The following SHC3 variants were observed in gnomAD, a reference collection of about 807,000 sequenced individuals.
SHC3 encodes SHC adaptor protein 3, also known as SHC-transforming protein 3.
SHC3 carries 15 observed loss-of-function variants against 60.4 expected under a neutral mutation model. That is an observed-to-expected ratio of 0.25 (90% CI 0.17 to 0.38). The LOEUF (loss-of-function observed/expected upper bound fraction) is 0.38. SHC3 is among the 10% of genes least tolerant of loss of function. The probability of loss-of-function intolerance (pLI) is 1.00; values close to 1 mark genes in which losing one functional copy is unlikely to be tolerated. For missense variants in SHC3, 677 were observed against 786.1 expected, an observed-to-expected ratio of 0.86 and a Z score of 1.66; for synonymous variants, 294 against 325.9, an observed-to-expected ratio of 0.90 and a Z score of 1.05.
At chr9:89,081,231 A>G (rs1825440006) in intron 2 of SHC3, among the ~76,000 whole-genome samples, 1 of 152,212 alleles carries the variant, frequency 6.6e-6, no homozygotes. Context: ...GTCAGCAAGG[A>G]AACTATCAAA....
intron 2 of SHC3, among the ~76,000 whole-genome samples, chr9:89,103,518 A>G (rs992436035): frequency 2.6e-5 from 4 of 152,206 alleles, no homozygotes; most frequent in African/African-American, 9.6e-5. Flanking sequence ...AGGCTAGGCT[A>G]CTATAGCCCA....
intron 11 of SHC3, among the ~76,000 whole-genome samples, chr9:89,035,863 G>A (rs1364357237): frequency 0.1 from 11,803 of 115,706 alleles, 1,792 homozygotes; most frequent in African/African-American, 0.32. Flanking sequence ...GTGTGTGTGT[G>A]TGTGTGTGTG....
At chr9:89,046,744 G>T in intron 8 of SHC3, 100 bp downstream of exon 8, 1 of 1,304,442 alleles carries the variant, frequency 7.7e-7, no homozygotes, top group Non-Finnish European at 1.0e-6. Flanking sequence ...TGTCAAAAAT[G>T]AAACAGAACA....
chr9:89,174,235 T>G (rs376743366), intron 1 of SHC3, among the ~76,000 whole-genome samples: 20 of 152,248 alleles, frequency 1.3e-4, no homozygotes, highest in African/African-American at 4.6e-4. Context: ...ATAAAGCAAA[T>G]GATTTATACC....
At chr9:89,048,199 G>A (rs890212762) in intron 7 of SHC3, among the ~76,000 whole-genome samples, 4 of 149,218 alleles carry the variant, frequency 2.7e-5, no homozygotes, top group African/African-American at 5.0e-5. Context: ...AGCTGAGATC[G>A]TGCCACTGCA....
intron 1 of SHC3, among the ~76,000 whole-genome samples, chr9:89,165,846 T>A (rs1479838960): frequency 6.6e-6 from 1 of 152,228 alleles, no homozygotes; most frequent in Non-Finnish European, 1.5e-5. Flanking sequence ...CCTGGGTAGA[T>A]GTTTCAGTAG....
chr9:89,105,712 T>A (rs1825849108), intron 2 of SHC3, among the ~76,000 whole-genome samples: 1 of 152,186 alleles, frequency 6.6e-6, no homozygotes, highest in Non-Finnish European at 1.5e-5. Context: ...TCTATCCTAG[T>A]GTCATCCTCA....
chr9:89,023,942 C>A lies in SHC3; in HGVS notation c.1657-10367G>T, dbSNP rs538825155. 3.3e-5 allele frequency among the ~76,000 whole-genome samples: 5 copies of A among 152,358 alleles called. 1 individual carries two copies. In the South Asian group the frequency reaches 8.3e-4, roughly 25 times the overall value. On this transcript the variant is annotated intron_variant, in intron 11 of 11. Transcript: ENST00000375835. ...CTCATCTCCATCCCACACATCCAGG[C>A]CCCATTCCGAGTTCCTGACTCAGCA...
intron 2 of SHC3, among the ~76,000 whole-genome samples, chr9:89,085,853 A>C (rs1825520985): frequency 6.6e-6 from 1 of 152,192 alleles, no homozygotes; most frequent in Admixed American, 6.5e-5. Flanking sequence ...CCTGGCAAGG[A>C]GTGCCCAGTG....
chr9:89,164,735 C>T (rs948662988), intron 1 of SHC3, among the ~76,000 whole-genome samples: 1 of 151,962 alleles, frequency 6.6e-6, no homozygotes. Context: ...TATAATTCAG[C>T]AACCATTTCA....
At chr9:89,164,468 A>C (rs1042359993) in intron 1 of SHC3, among the ~76,000 whole-genome samples, 2 of 152,106 alleles carry the variant, frequency 1.3e-5, no homozygotes, top group African/African-American at 4.8e-5. Flanking sequence ...AAGTTTCTCC[A>C]TATGGTTGGA....
In SHC3 at chr9:89,038,040, G is replaced by T. The variant is rs200275295; in HGVS notation, c.1609C>A (p.His537Asn). ...NPGSFVLTGM[H>N]NGQAKHLLLV... ...AGCAGGTGCTTGGCCTGGCCATTGT[G>T]CATGCCCGTGAGGACAAAGGAGCCC... Residue 537 changes from histidine to asparagine, a missense_variant, in exon 11 of 12, where the codon CAC becomes AAC. Physicochemically the swap from His to Asn is moderately conservative, Grantham distance 68. Coordinates refer to ENST00000375835, the MANE Select transcript of SHC3 (RefSeq NM_016848.6). The T allele has an allele frequency of 4.7e-4, 753 of 1,613,274 alleles. 9 individuals are homozygous for T. The South Asian group carries it at 7.9e-3, about 17-fold the overall frequency.
intron 11 of SHC3, among the ~76,000 whole-genome samples, chr9:89,020,013 G>C (rs1826171717): frequency 6.6e-6 from 1 of 152,158 alleles, no homozygotes; most frequent in Admixed American, 6.5e-5. Flanking sequence ...CTCTGGAATG[G>C]TTCATAGTAA....
At chr9:89,129,433 G>A (rs1826210642) in intron 1 of SHC3, among the ~76,000 whole-genome samples, 1 of 152,122 alleles carries the variant, frequency 6.6e-6, no homozygotes, top group African/African-American at 2.4e-5. Flanking sequence ...CTCGAGAAGA[G>A]CAACTCCAAG....
At position 89,042,069 on chromosome 9, in the gene SHC3, G is replaced by A. The variant is rs1367638646; in HGVS notation, c.1317C>T (p.Val439=). 6.2e-7 allele frequency: 1 copy of A among 1,607,956 alleles called. No homozygotes were observed. The highest frequency in any genetic ancestry group is 1.3e-5 in the African/African-American group (1 of 74,268). Residue 439 remains valine, a synonymous_variant, in exon 10 of 12, where the codon GTC becomes GTT. Coordinates refer to ENST00000375835, the MANE Select transcript of SHC3 (RefSeq NM_016848.6). ...QIPPQAWPAA[V]SSAESSPRKD... The stretch of plus-strand genomic sequence containing the variant: ...TCCTTGGGCTGCTCTCAGCACTGCT[G>A]ACCGCAGCCGGCCAGGCCTGTGGTG...
At chr9:89,143,904 A>C (rs1303338546) in intron 1 of SHC3, among the ~76,000 whole-genome samples, 1 of 152,146 alleles carries the variant, frequency 6.6e-6, no homozygotes, top group Non-Finnish European at 1.5e-5. Flanking sequence ...TAAACCTTTA[A>C]GCCACTGATA....
intron 6 of SHC3, among the ~76,000 whole-genome samples, chr9:89,055,566 G>C (rs138708281): frequency 6.6e-6 from 1 of 152,314 alleles, no homozygotes; most frequent in Non-Finnish European, 1.5e-5. Context: ...TTTTGATCTT[G>C]CAACTCAACG....
At chr9:89,163,226 C>G (rs1826736679) in intron 1 of SHC3, among the ~76,000 whole-genome samples, 1 of 151,884 alleles carries the variant, frequency 6.6e-6, no homozygotes, top group African/African-American at 2.4e-5. Flanking sequence ...CCATTTGACC[C>G]AGCCATCCCA....
At chr9:89,155,848 C>T (rs529932637) in intron 1 of SHC3, among the ~76,000 whole-genome samples, 1 of 152,240 alleles carries the variant, frequency 6.6e-6, no homozygotes, top group Non-Finnish European at 1.5e-5. Flanking sequence ...TTCATGCCAC[C>T]CCATCTACCT....
Sources: gnomAD v4.1 joint callset for allele counts (sites outside exome capture counted in the v4.1 genomes callset) on GRCh38, gnomAD v4.1.1 for gene constraint, MANE v1.5 for transcripts, NCBI Gene and HGNC (gene_info 2026-07-23, HGNC 2026-07-21) for gene names.